TSNARE1: variants seen among roughly 807,000 people sequenced by gnomAD.
TSNARE1 encodes t-SNARE domain-containing protein 1.
In TSNARE1, 49 loss-of-function variants were observed where a neutral mutation model predicts 62.0. That is an observed-to-expected ratio of 0.79 (90% CI 0.63 to 1.00). The LOEUF (loss-of-function observed/expected upper bound fraction) is 1.00, where lower values mean the gene tolerates loss of function less well. Ranked by LOEUF, TSNARE1 falls within the 50% of genes least tolerant of loss-of-function variation. TSNARE1 has a pLI of 0.00. For synonymous variants in TSNARE1, 328 were observed against 294.4 expected (o/e 1.11, Z -1.17); for missense variants, 755 against 700.1 (o/e 1.08, Z -0.88).
At chr8:142,326,322 A>T (rs35301504) in intron 6 of TSNARE1, 2 of 78,588 alleles carry the variant, frequency 2.5e-5, no homozygotes, top group South Asian at 4.7e-4. Flanking sequence ...GGAGGGCCCC[A>T]GAGACCACGA....
At chr8:142,359,434 C>T (rs139503720) in intron 1 of TSNARE1, among the ~76,000 whole-genome samples, 1 of 152,268 alleles carries the variant, frequency 6.6e-6, no homozygotes, top group East Asian at 1.9e-4. Flanking sequence ...TGTCTCCTGT[C>T]CCTAATCAAG....
At chr8:142,388,563 T>TC in intron 1 of TSNARE1, among the ~76,000 whole-genome samples, 1 of 137,912 alleles carries the variant, frequency 7.3e-6, no homozygotes, top group Admixed American at 7.1e-5. Context: ...TTTTTTTTTT[T>TC]TTTTTTTTTT....
Position 142,257,543 on chromosome 8 carries a change from G to A in TSNARE1, c.1446+17238C>T, listed in dbSNP as rs557498688. Among the ~76,000 whole-genome samples the A allele has an allele frequency of 3.2e-3, 494 of 152,282 alleles. 1 individual carries two copies. Among genetic ancestry groups the A allele is most frequent in the African/African-American group, 0.011 (473 of 41,560 alleles). Reference sequence around the variant, plus strand: ...ACCACTCCCCTCTGCTTCCCTGGCAGCTGCTTGGCTCCGGGACACTGGGCA... The same window carrying A: ...ACCACTCCCCTCTGCTTCCCTGGCAACTGCTTGGCTCCGGGACACTGGGCA... On this transcript the variant is annotated intron_variant, in intron 12 of 13. Coordinates refer to ENST00000524325, the MANE Select transcript of TSNARE1 (RefSeq NM_145003.5).
chr8:142,256,712 C>T (rs1449877971), intron 12 of TSNARE1, among the ~76,000 whole-genome samples: 1 of 152,152 alleles, frequency 6.6e-6, no homozygotes, highest in African/African-American at 2.4e-5. Context: ...CAGGAGAGCG[C>T]AATGAGGAGC....
intron 10 of TSNARE1, among the ~76,000 whole-genome samples, chr8:142,288,103 G>C (rs1397721530): frequency 6.6e-6 from 1 of 152,230 alleles, no homozygotes; most frequent in Non-Finnish European, 1.5e-5. Flanking sequence ...GCATGGCTCC[G>C]AGCCCCTGCC....
At chr8:142,390,169 T>C (rs1837387694) in intron 1 of TSNARE1, among the ~76,000 whole-genome samples, 1 of 152,272 alleles carries the variant, frequency 6.6e-6, no homozygotes, top group Non-Finnish European at 1.5e-5. Flanking sequence ...AGAAGTTGCC[T>C]GCGTGCGTCA....
At chr8:142,378,695 G>GATTA (rs1404617271) in intron 1 of TSNARE1, among the ~76,000 whole-genome samples, 1 of 152,222 alleles carries the variant, frequency 6.6e-6, no homozygotes, top group African/African-American at 2.4e-5. Flanking sequence ...CCAGAAGATA[G>GATTA]ATTAGGGGTT....
chr8:142,354,866 C>T (rs1304227781), intron 1 of TSNARE1, 103 bp from the exon 2 acceptor site: 6 of 657,964 alleles, frequency 9.1e-6, no homozygotes, highest in East Asian at 2.8e-5. Context: ...AGCCCCAAGA[C>T]CCTGGCTCCA....
chr8:142,259,154 G>C (rs1818737250), intron 12 of TSNARE1, among the ~76,000 whole-genome samples: 1 of 152,230 alleles, frequency 6.6e-6, no homozygotes, highest in Admixed American at 6.5e-5. Context: ...GAGGAGGATG[G>C]GCACGTTGTC....
Position 142,315,014 on chromosome 8 carries a change from C to T in TSNARE1, c.1063G>A (p.Val355Met), listed in dbSNP as rs781580408. Residue 355 changes from valine (V) to methionine (M), a missense_variant, in exon 8 of 14, where the codon GTG becomes ATG. By Grantham distance (21) the Val-to-Met change is conservative. Transcript: ENST00000524325. ...QLSDAIQCYG[V>M]VQKKIAEKSR... ...CACCAGCACCTCACCTTCTGCACCA[C>T]TCCATAGCACTGAATGGCATCTGAG... 5.1e-5 allele frequency: 83 copies of T among 1,614,052 alleles called. 1 individual carries two copies. Among genetic ancestry groups the T allele is most frequent in the Non-Finnish European group, 6.9e-5 (81 of 1,180,034 alleles).
intron 12 of TSNARE1, among the ~76,000 whole-genome samples, chr8:142,244,352 G>A (rs1414035452): frequency 6.6e-6 from 1 of 151,986 alleles, no homozygotes; most frequent in Admixed American, 6.6e-5. Context: ...TAGAAAATGT[G>A]GTTTTAAAAT....
intron 1 of TSNARE1, among the ~76,000 whole-genome samples, chr8:142,366,284 T>A (rs1055543553): frequency 1.3e-5 from 2 of 152,104 alleles, no homozygotes; most frequent in Non-Finnish European, 2.9e-5. Flanking sequence ...GATCTGCCTG[T>A]CTCGGCCTCC....
chr8:142,345,149 T>G (rs757713767), intron 3 of TSNARE1, among the ~76,000 whole-genome samples: 1 of 152,250 alleles, frequency 6.6e-6, no homozygotes, highest in Non-Finnish European at 1.5e-5. Flanking sequence ...CTCTGCGTCT[T>G]TGCTCACAGA....
chr8:142,282,579 G>A (rs559516394), intron 11 of TSNARE1, among the ~76,000 whole-genome samples: 88 of 150,520 alleles, frequency 5.8e-4, no homozygotes, highest in African/African-American at 2.0e-3. Context: ...ATGAGCGGAG[G>A]TGGGGCCAGT....
At chr8:142,388,474 A>C (rs1447714762) in intron 1 of TSNARE1, among the ~76,000 whole-genome samples, 1 of 149,092 alleles carries the variant, frequency 6.7e-6, no homozygotes, top group Admixed American at 6.7e-5. Context: ...ACATGAATGG[A>C]TACCTTGAAA....
chr8:142,376,551 C>A (rs1408674438), intron 1 of TSNARE1, among the ~76,000 whole-genome samples: 1 of 152,168 alleles, frequency 6.6e-6, no homozygotes, highest in African/African-American at 2.4e-5. Context: ...GAGGGCCCCC[C>A]AGAACCACCC....
intron 1 of TSNARE1, among the ~76,000 whole-genome samples, chr8:142,399,063 C>G (rs985594574): frequency 6.6e-6 from 1 of 152,218 alleles, no homozygotes; most frequent in African/African-American, 2.4e-5. Flanking sequence ...AAGGCCCCTG[C>G]AGGAGACACC....
intron 12 of TSNARE1, among the ~76,000 whole-genome samples, chr8:142,238,476 T>A (rs1354730071): frequency 6.6e-6 from 1 of 152,052 alleles, no homozygotes; most frequent in Admixed American, 6.5e-5. Flanking sequence ...GACAGACAGA[T>A]GCTGGTAGCC....
chr8:142,330,802 G>T, intron 6 of TSNARE1, 99 bp downstream of exon 6: 1 of 1,240,008 alleles, frequency 8.1e-7, no homozygotes, highest in Non-Finnish European at 1.2e-6. Context: ...AAGCAGCTGT[G>T]TGGACAAAGC....
Sources: allele counts gnomAD v4.1 joint callset (sites outside exome capture counted in the v4.1 genomes callset), GRCh38; gene constraint gnomAD v4.1.1; transcripts MANE v1.5; gene names NCBI Gene and HGNC (gene_info 2026-07-23, HGNC 2026-07-21).